The following ATP2B2 variants were observed in gnomAD, a reference collection of about 807,000 sequenced individuals.
ATP2B2 encodes the protein ATPase plasma membrane Ca2+ transporting 2, also known as plasma membrane calcium-transporting ATPase 2.
In ATP2B2, 15 loss-of-function variants were observed where a neutral mutation model predicts 120.0. The observed-to-expected ratio is 0.12, with a 90% CI of 0.08 to 0.19. The LOEUF (loss-of-function observed/expected upper bound fraction) is 0.19. ATP2B2 is among the 10% of genes least tolerant of loss of function. The pLI is 1.00. For missense variants in ATP2B2, 1,045 were observed against 1,719.8 expected (o/e 0.61, Z 6.94); for synonymous variants, 694 against 700.3 (o/e 0.99, Z 0.14).
At chr3:10,435,795 T>G (rs1394470749) in intron 2 of ATP2B2, among the ~76,000 whole-genome samples, 1 of 152,162 alleles carries the variant, frequency 6.6e-6, no homozygotes, top group Non-Finnish European at 1.5e-5. Flanking sequence ...TTCTCAGAAT[T>G]GAGCCCTGGA....
In ATP2B2 at chr3:10,326,722, T is replaced by C. The variant is rs1389591598; in HGVS notation, c.*2092A>G. 5.0e-6 allele frequency: 2 copies of C among 398,924 alleles called. No homozygotes were observed. Among genetic ancestry groups the C allele is most frequent in the Non-Finnish European group, 8.8e-6 (2 of 226,064 alleles). The allele number at this position is 398,924 out of a possible 1,614,324, so 24.7% of individuals were successfully genotyped here. On this transcript the variant is annotated 3_prime_UTR_variant, in exon 23 of 23. Transcript: ENST00000360273. ...CATTCAGAGATACTTCTTCACGACA[T>C]TCAGGTGATGCGCTCTTGAAGGTCC...
At chr3:10,537,615 A>T (rs763316230) in intron 2 of ATP2B2, among the ~76,000 whole-genome samples, 1 of 152,138 alleles carries the variant, frequency 6.6e-6, no homozygotes, top group African/African-American at 2.4e-5. Context: ...TTATGTAGAC[A>T]ATCAAGTCAT....
At chr3:10,416,930 T>G (rs1391406841) in intron 2 of ATP2B2, among the ~76,000 whole-genome samples, 1 of 150,648 alleles carries the variant, frequency 6.6e-6, no homozygotes, top group African/African-American at 2.5e-5. Flanking sequence ...GCAGAGGCAC[T>G]TCTCACTTCC....
At chr3:10,703,599 G>A (rs989814304) in intron 1 of ATP2B2, among the ~76,000 whole-genome samples, 7 of 152,158 alleles carry the variant, frequency 4.6e-5, no homozygotes, top group African/African-American at 1.7e-4. Context: ...ACACCTTTTA[G>A]CCCGCACAGC....
At chr3:10,684,047 C>T (rs1046795769) in intron 1 of ATP2B2, among the ~76,000 whole-genome samples, 17 of 151,960 alleles carry the variant, frequency 1.1e-4, no homozygotes, top group African/African-American at 3.9e-4. Context: ...CTTTCCCATC[C>T]AATGGGGCTT....
In ATP2B2 at chr3:10,420,383, C is replaced by T. The variant is rs554756957; in HGVS notation, c.200-9568G>A. 1.1e-3 allele frequency among the ~76,000 whole-genome samples: 160 copies of T among 147,048 alleles called. No homozygotes were observed. The East Asian group carries it at 0.014, about 12-fold the overall frequency. On this transcript the variant is annotated intron_variant, in intron 2 of 22. Coordinates refer to ENST00000360273, the MANE Select transcript of ATP2B2 (RefSeq NM_001001331.4). ...TCACTTTTTTTTTTTTTTTTTGAGACGAAGTCTCGCTCTTGTCCTCCAGGC... is the reference window on the plus strand; with the variant it reads ...TCACTTTTTTTTTTTTTTTTTGAGATGAAGTCTCGCTCTTGTCCTCCAGGC...
intron 8 of ATP2B2, among the ~76,000 whole-genome samples, chr3:10,383,767 G>A (rs1320009005): frequency 6.6e-6 from 1 of 152,206 alleles, no homozygotes; most frequent in Non-Finnish European, 1.5e-5. Context: ...CTGGTATACA[G>A]TAGGTGGTCA....
chr3:10,678,427 C>T (rs775920826), intron 1 of ATP2B2, among the ~76,000 whole-genome samples: 30 of 152,174 alleles, frequency 2.0e-4, no homozygotes, highest in Non-Finnish European at 3.4e-4. Flanking sequence ...AAAAGACAGG[C>T]AAGCTGCCCA....
intron 2 of ATP2B2, among the ~76,000 whole-genome samples, chr3:10,418,782 C>T (rs1337685615): frequency 6.6e-6 from 1 of 152,192 alleles, no homozygotes; most frequent in Admixed American, 6.5e-5. Flanking sequence ...AATCACGTCC[C>T]CCAAACTCTC....
intron 1 of ATP2B2, among the ~76,000 whole-genome samples, chr3:10,701,286 T>A (rs1482531514): frequency 6.6e-6 from 1 of 152,222 alleles, no homozygotes; most frequent in Admixed American, 6.5e-5. Context: ...ATCCCACCTA[T>A]ATGCTGCACC....
At chr3:10,632,862 G>A (rs1221023151) in intron 1 of ATP2B2, among the ~76,000 whole-genome samples, 1 of 152,242 alleles carries the variant, frequency 6.6e-6, no homozygotes, top group Admixed American at 6.5e-5. Context: ...TGGAACTGCT[G>A]CTTATCCCTG....
rs1408743882 is a variant in ATP2B2 at position 10,633,957 on chromosome 3, C to T, written c.-459-13996G>A. 2.0e-5 allele frequency among the ~76,000 whole-genome samples: 3 copies of T among 152,218 alleles called. No homozygotes were observed. In the East Asian group the frequency reaches 5.8e-4, roughly 29 times the overall value. On this transcript the variant is annotated intron_variant, in intron 1 of 21. Transcript: ENST00000646379. ...TGACCCATTTTAGCCATTAAGACTT[C>T]CGCTCAAAGGATCCCAGGTAAGAAT... is the stretch of plus-strand genomic sequence containing the variant.
intron 22 of ATP2B2, among the ~76,000 whole-genome samples, chr3:10,334,137 C>A (rs536099568): frequency 1.3e-5 from 2 of 152,198 alleles, no homozygotes; most frequent in African/African-American, 4.8e-5. Flanking sequence ...GACTCGGGGA[C>A]GACTTCCAAA....
intron 1 of ATP2B2, among the ~76,000 whole-genome samples, chr3:10,655,282 G>C (rs893701057): frequency 8.8e-6 from 1 of 113,162 alleles, no homozygotes; most frequent in Non-Finnish European, 1.6e-5. Context: ...ATTGGGATTT[G>C]AAACCTGTTA....
Position 10,329,185 on chromosome 3 carries a change from GCTCACA to G in ATP2B2, c.3421-66_3421-61del. The G allele has an allele frequency of 6.9e-7, 1 of 1,444,624 alleles. No individual in the cohort carries two copies. The highest frequency in any genetic ancestry group is 9.6e-7 in the Non-Finnish European group (1 of 1,043,702). The allele number at this position is 1,444,624 out of a possible 1,614,324, so 89.5% of individuals were successfully genotyped here. ...CAGGGACCACAGCCAGGCTCGGGGG[GCTCACA>G]GGAGGGGCGGGTGGGAGAAGGGTTA... On this transcript the variant is annotated intron_variant, in intron 22 of 22. Coordinates refer to ENST00000360273, the MANE Select transcript of ATP2B2 (RefSeq NM_001001331.4). The surrounding 1 kb of genome is among the most constrained non-coding windows in gnomAD (Gnocchi z 5.9).
At chr3:10,352,775 G>A (rs778899966) in intron 14 of ATP2B2, among the ~76,000 whole-genome samples, 4 of 152,248 alleles carry the variant, frequency 2.6e-5, no homozygotes, top group Non-Finnish European at 5.9e-5. Context: ...CATGATGGCT[G>A]TAAACTGGGC....
intron 1 of ATP2B2, among the ~76,000 whole-genome samples, chr3:10,701,536 A>C (rs73028136): frequency 1.1e-3 from 173 of 152,166 alleles, no homozygotes; most frequent in South Asian, 2.5e-3. Flanking sequence ...GAGGAGTGAC[A>C]GTTTGTATTT....
In ATP2B2 at chr3:10,635,710, G is replaced by A. The variant is rs1414547924; in HGVS notation, c.-459-15749C>T. Among the ~76,000 whole-genome samples, 1 of 152,224 alleles carries A rather than the reference G, an allele frequency of 6.6e-6. No homozygotes were observed. The highest frequency in any genetic ancestry group is 1.9e-4 in the East Asian group (1 of 5,204). On this transcript the variant is annotated intron_variant, in intron 1 of 21. Transcript: ENST00000646379. The surrounding 1 kb of genome is among the most constrained non-coding windows in gnomAD (Gnocchi z 4.3). ...CCTCCTTCCATACAGCCCTGTGCCTGCCTGACCAGGATTGTGCCCTCTCAG... is the reference window on the plus strand; with the variant it reads ...CCTCCTTCCATACAGCCCTGTGCCTACCTGACCAGGATTGTGCCCTCTCAG...
At position 10,358,696 on chromosome 3, in the gene ATP2B2, G is replaced by A. The variant is rs760871469; in HGVS notation, c.2131C>T (p.Pro711Ser). ...CVVGIEDPVRPEVPEAIRKCQ... is the reference protein window; with the variant it reads ...CVVGIEDPVRSEVPEAIRKCQ... The stretch of plus-strand genomic sequence containing the variant: ...TCGCTGGCCCTGGGGCCTACCTCTG[G>A]CCGCACCGGGTCCTCGATGCCCACC... Residue 711 changes from proline to serine, a missense_variant, in exon 14 of 23, where the codon CCA becomes TCA. By Grantham distance (74) the Pro-to-Ser change is moderately conservative (BLOSUM62 -1). Coordinates refer to ENST00000360273, the MANE Select transcript of ATP2B2 (RefSeq NM_001001331.4). 35 of 1,614,004 alleles carry A rather than the reference G, an allele frequency of 2.2e-5. No individual in the cohort carries two copies. Among genetic ancestry groups the A allele is most frequent in the Non-Finnish European group, 3.0e-5 (35 of 1,180,034 alleles).
Sources: gnomAD v4.1 joint callset for allele counts (sites outside exome capture counted in the v4.1 genomes callset) on GRCh38, gnomAD v4.1.1 for gene constraint, Gnocchi (gnomAD v3.1) non-coding constraint, MANE v1.5 for transcripts, NCBI Gene and HGNC (gene_info 2026-07-23, HGNC 2026-07-21) for gene names.